The following MORC3 variants were observed in gnomAD, a reference collection of about 807,000 sequenced individuals.
MORC3 encodes MORC family CW-type zinc finger protein 3.
A neutral mutation model predicts 109.1 loss-of-function variants in MORC3; 31 were observed. The observed-to-expected ratio is 0.28, with a 90% confidence interval of 0.21 to 0.38. The LOEUF (loss-of-function observed/expected upper bound fraction) is 0.38, where lower values mean the gene tolerates loss of function less well. MORC3 is among the 10% of genes least tolerant of loss of function. The pLI is 1.00. For missense variants in MORC3, 867 were observed against 1,135.8 expected (o/e 0.76, Z 3.40); for synonymous variants, 395 against 380.7 (o/e 1.04, Z -0.44).
intron 8 of MORC3, among the ~76,000 whole-genome samples, chr21:36,348,688 C>T (rs1452982061): frequency 6.6e-6 from 1 of 152,158 alleles, no homozygotes; most frequent in Non-Finnish European, 1.5e-5. Flanking sequence ...GGATTACAGG[C>T]GTGAGCCATC....
intron 1 of MORC3, among the ~76,000 whole-genome samples, chr21:36,331,837 G>T (rs941476405): frequency 3.3e-5 from 5 of 152,088 alleles, no homozygotes; most frequent in African/African-American, 4.8e-5. Flanking sequence ...ATTGAGCAAA[G>T]AATGATTCAA....
intron 2 of MORC3, among the ~76,000 whole-genome samples, chr21:36,335,072 G>A (rs1466814530): frequency 6.6e-6 from 1 of 152,160 alleles, no homozygotes. Context: ...CAAGGCTGCA[G>A]CAGAGTGAGT....
chr21:36,330,639 A>G (rs2085304549), intron 1 of MORC3, among the ~76,000 whole-genome samples: 1 of 152,154 alleles, frequency 6.6e-6, no homozygotes, highest in African/African-American at 2.4e-5. Context: ...ATCTTCAAAT[A>G]TTTTACAAAC....
chr21:36,320,364 G>A, intron 1 of MORC3, 61 bp downstream of exon 1: 1 of 1,334,924 alleles, frequency 7.5e-7, no homozygotes, highest in Non-Finnish European at 9.7e-7. Context: ...GCAAGCGAAG[G>A]GGGGCCGGCA....
intron 9 of MORC3, among the ~76,000 whole-genome samples, chr21:36,350,220 T>A (rs766844548): frequency 3.3e-5 from 5 of 151,736 alleles, no homozygotes; most frequent in Non-Finnish European, 7.4e-5. Flanking sequence ...GGCAGGAGGA[T>A]CATTTGAGCC....
chr21:36,325,775 G>T (rs1190064799), intron 1 of MORC3, among the ~76,000 whole-genome samples: 1 of 152,168 alleles, frequency 6.6e-6, no homozygotes, highest in East Asian at 1.9e-4. Flanking sequence ...ATTCTAAACT[G>T]TGCCCCCATC....
chr21:36,373,417 A>T (rs543400370), intron 16 of MORC3, among the ~76,000 whole-genome samples: 1 of 152,196 alleles, frequency 6.6e-6, no homozygotes, highest in East Asian at 1.9e-4. Context: ...TGAGGTCAGG[A>T]GTTCGAGACC....
At chr21:36,356,527 T>C (rs1399963556) in intron 9 of MORC3, 93 bp from the exon 10 acceptor site, 1 of 677,406 alleles carries the variant, frequency 1.5e-6, no homozygotes, top group Non-Finnish European at 2.3e-6. Context: ...TTGGAGTTTT[T>C]TCTCTTCACA....
chr21:36,370,633 A>ATTTTTTTTTTTTTTT (rs2085848041), intron 15 of MORC3, among the ~76,000 whole-genome samples: 2 of 46,480 alleles, frequency 4.3e-5, no homozygotes, highest in Admixed American at 3.5e-4. Context: ...ATATATATAT[A>ATTTTTTTTTTTTTTT]TATATATTTT....
intron 9 of MORC3, among the ~76,000 whole-genome samples, chr21:36,350,013 C>G (rs1037872210): frequency 1.3e-5 from 2 of 152,088 alleles, no homozygotes; most frequent in African/African-American, 4.8e-5. Flanking sequence ...CTGAATGAAT[C>G]AAAAAAGTCA....
chr21:36,320,256 T>G lies in MORC3; in HGVS notation c.-9T>G, dbSNP rs1352100277. Reference sequence around the variant, plus strand: ...CGGAGGCCGTTCCTGGCTTTGTAGCTCGCTCAAGATGGCGGCGCAGCCACC... The same window carrying G: ...CGGAGGCCGTTCCTGGCTTTGTAGCGCGCTCAAGATGGCGGCGCAGCCACC... On this transcript the variant is annotated 5_prime_UTR_variant, in exon 1 of 17. Transcript: ENST00000400485. 6.3e-7 allele frequency: 1 copy of G among 1,580,206 alleles called. No homozygotes were observed. The highest frequency in any genetic ancestry group is 1.1e-5 in the South Asian group (1 of 87,078).
chr21:36,330,737 A>C (rs1026858163), intron 1 of MORC3, among the ~76,000 whole-genome samples: 1 of 152,228 alleles, frequency 6.6e-6, no homozygotes, highest in African/African-American at 2.4e-5. Flanking sequence ...GGAGGAGTGT[A>C]TCATTCTTTT....
intron 4 of MORC3, 82 bp from the exon 5 acceptor site, chr21:36,338,692 T>G: frequency 1.6e-6 from 2 of 1,274,766 alleles, no homozygotes; most frequent in Non-Finnish European, 2.2e-6. Flanking sequence ...AGTTTTTCTG[T>G]TATTTAAGTT....
chr21:36,372,215 A>T (rs1053756104), intron 15 of MORC3, among the ~76,000 whole-genome samples, 159 bp from the exon 16 acceptor site: 2 of 152,164 alleles, frequency 1.3e-5, no homozygotes, highest in Non-Finnish European at 2.9e-5. Context: ...TAAACGAATG[A>T]AGCCTTGTTT....
At chr21:36,325,750 A>G (rs763892375) in intron 1 of MORC3, among the ~76,000 whole-genome samples, 1 of 152,238 alleles carries the variant, frequency 6.6e-6, no homozygotes, top group Non-Finnish European at 1.5e-5. Context: ...GGAAAATTGT[A>G]GAAATAGTTC....
chr21:36,327,571 A>G (rs777737932), intron 1 of MORC3, among the ~76,000 whole-genome samples: 1 of 151,430 alleles, frequency 6.6e-6, no homozygotes, highest in Non-Finnish European at 1.5e-5. Flanking sequence ...AAGCAGAAAC[A>G]AAGAACAAAA....
chr21:36,351,124 GC>G (rs1377902471), intron 9 of MORC3, among the ~76,000 whole-genome samples: 7 of 139,200 alleles, frequency 5.0e-5, no homozygotes, highest in African/African-American at 8.2e-5. Flanking sequence ...GAGTGCAGTG[GC>G]CCCCAGGTCT....
chr21:36,365,304 T>C lies in MORC3; in HGVS notation c.1619+1045T>C, dbSNP rs560903907. Among the ~76,000 whole-genome samples the C allele has an allele frequency of 8.5e-5, 13 of 152,300 alleles. No individual in the cohort carries two copies. The South Asian group carries it at 2.7e-3, about 32-fold the overall frequency. Reference sequence around the variant, plus strand: ...GTTCTGAAAACAGTAGTCTTGTAGATGGCCTCTTCCAATTTAATAGAATGA... The same window carrying C: ...GTTCTGAAAACAGTAGTCTTGTAGACGGCCTCTTCCAATTTAATAGAATGA... On this transcript the variant is annotated intron_variant, in intron 14 of 16. Coordinates refer to ENST00000400485, the MANE Select transcript of MORC3 (RefSeq NM_015358.3).
chr21:36,356,748 C>A (rs762593338), intron 10 of MORC3, 24 bp downstream of exon 10: 9 of 1,382,160 alleles, frequency 6.5e-6, no homozygotes, highest in South Asian at 2.5e-5. Flanking sequence ...TAAAACATAT[C>A]ATTTCACTTA....
Sources: allele counts gnomAD v4.1 joint callset (sites outside exome capture counted in the v4.1 genomes callset), GRCh38; gene constraint gnomAD v4.1.1; transcripts MANE v1.5; gene names NCBI Gene and HGNC (gene_info 2026-07-23, HGNC 2026-07-21).